The following PTPRD variants were observed in gnomAD, a reference collection of about 807,000 sequenced individuals.
PTPRD encodes protein tyrosine phosphatase receptor type D.
A neutral mutation model predicts 214.5 loss-of-function variants in PTPRD; 34 were observed. The observed-to-expected ratio is 0.16, with a 90% confidence interval of 0.12 to 0.21. The LOEUF is 0.21. Ranked by LOEUF, PTPRD falls within the 10% of genes least tolerant of loss-of-function variation. PTPRD has a pLI of 1.00. For missense variants in PTPRD, 2,545 were observed against 2,398.7 expected (o/e 1.06, Z -1.27); for synonymous variants, 1,128 against 845.7 (o/e 1.33, Z -5.79).
intron 14 of PTPRD, among the ~76,000 whole-genome samples, chr9:8,618,735 T>TG: frequency 6.6e-6 from 1 of 151,994 alleles, no homozygotes; most frequent in South Asian, 2.1e-4. Context: ...ATTGCTCTGT[T>TG]GCCCAGGCTA....
intron 9 of PTPRD, among the ~76,000 whole-genome samples, chr9:9,254,450 AAAG>A (rs1414286495): frequency 6.6e-6 from 1 of 152,112 alleles, no homozygotes; most frequent in Non-Finnish European, 1.5e-5. Flanking sequence ...TTAGCTACCT[AAAG>A]AAGAGGTATA....
intron 44 of PTPRD, among the ~76,000 whole-genome samples, chr9:8,328,606 TGATATC>T (rs1836446612): frequency 4.1e-5 from 2 of 49,078 alleles, no homozygotes; most frequent in South Asian, 1.0e-3. Flanking sequence ...GATAATATCC[TGATATC>T]CTGAAGAGTT....
intron 11 of PTPRD, among the ~76,000 whole-genome samples, chr9:8,790,690 G>C (rs1407738001): frequency 6.6e-6 from 1 of 151,780 alleles, no homozygotes; most frequent in Non-Finnish European, 1.5e-5. Flanking sequence ...ATTTTTTAGT[G>C]TGGATTGAGG....
chr9:9,999,986 C>G (rs1257639766), intron 4 of PTPRD, among the ~76,000 whole-genome samples: 3 of 152,058 alleles, frequency 2.0e-5, no homozygotes, highest in Admixed American at 2.0e-4. Flanking sequence ...GTAAGAGGGT[C>G]TGTGAAAGTC....
intron 10 of PTPRD, among the ~76,000 whole-genome samples, chr9:9,058,855 A>G (rs1370024454): frequency 6.6e-6 from 1 of 152,168 alleles, no homozygotes; most frequent in Non-Finnish European, 1.5e-5. Context: ...TTGGGAAAAT[A>G]AGGTAATGTA....
intron 10 of PTPRD, among the ~76,000 whole-genome samples, chr9:9,056,213 C>A (rs1046311953): frequency 6.6e-6 from 1 of 152,120 alleles, no homozygotes; most frequent in Admixed American, 6.6e-5. Flanking sequence ...GGAGAGCTAA[C>A]TTTACAAGGA....
chr9:10,017,847 C>G (rs2096754979), intron 4 of PTPRD, among the ~76,000 whole-genome samples: 1 of 151,758 alleles, frequency 6.6e-6, no homozygotes, highest in Non-Finnish European at 1.5e-5. Flanking sequence ...ATTGAATGCC[C>G]TCATGTAAAA....
chr9:8,836,047 G>A (rs139994306), intron 11 of PTPRD, among the ~76,000 whole-genome samples: 3 of 152,186 alleles, frequency 2.0e-5, no homozygotes, highest in Admixed American at 6.5e-5. Context: ...CATATATACC[G>A]GTTTAATTAA....
At chr9:10,375,740 T>C (rs183719409) in intron 2 of PTPRD, among the ~76,000 whole-genome samples, 9 of 152,146 alleles carry the variant, frequency 5.9e-5, no homozygotes, top group Admixed American at 1.3e-4. Context: ...TATGTGGTGA[T>C]AGAATATCTG....
chr9:9,334,596 T>C (rs931800390), intron 9 of PTPRD, among the ~76,000 whole-genome samples: 1 of 151,984 alleles, frequency 6.6e-6, no homozygotes, highest in Non-Finnish European at 1.5e-5. Context: ...TTTGGATATG[T>C]CTCCTTATCT....
chr9:10,152,802 G>T (rs554192741), intron 3 of PTPRD, among the ~76,000 whole-genome samples: 1 of 152,100 alleles, frequency 6.6e-6, no homozygotes, highest in Non-Finnish European at 1.5e-5. Context: ...TCCAGCCTGG[G>T]CAACAAGAGT....
At chr9:10,276,770 T>C (rs773918009) in intron 3 of PTPRD, among the ~76,000 whole-genome samples, 65 of 152,216 alleles carry the variant, frequency 4.3e-4, no homozygotes, top group Admixed American at 1.1e-3. Context: ...GAAAGTAAAG[T>C]ACTCTTATTG....
chr9:9,426,214 C>G (rs911988950), intron 8 of PTPRD, among the ~76,000 whole-genome samples: 14 of 152,312 alleles, frequency 9.2e-5, no homozygotes, highest in African/African-American at 2.9e-4. Context: ...CACCCTAATA[C>G]TGCACTTTTC....
intron 3 of PTPRD, among the ~76,000 whole-genome samples, chr9:10,186,688 A>C (rs1175948333): frequency 6.6e-6 from 1 of 152,164 alleles, no homozygotes; most frequent in Non-Finnish European, 1.5e-5. Context: ...AAAGTGTGAA[A>C]CATTAAGTAC....
chr9:9,815,217 A>G (rs562813911), intron 5 of PTPRD, among the ~76,000 whole-genome samples: 1 of 152,294 alleles, frequency 6.6e-6, no homozygotes, highest in African/African-American at 2.4e-5. Flanking sequence ...CATTGTCCAC[A>G]TATAAGGTCG....
At chr9:8,629,886 C>T (rs2096193454) in intron 14 of PTPRD, among the ~76,000 whole-genome samples, 1 of 151,694 alleles carries the variant, frequency 6.6e-6, no homozygotes. Context: ...TTGTGGTTAT[C>T]CCTCCTTATT....
intron 8 of PTPRD, among the ~76,000 whole-genome samples, chr9:9,450,932 A>G (rs1308284072): frequency 7.4e-6 from 1 of 134,248 alleles, no homozygotes; most frequent in African/African-American, 2.9e-5. Flanking sequence ...AGTACATCTA[A>G]GTAAATACAT....
rs139409075 is a variant in PTPRD, at chr9:9,989,858, T to C, written c.-472+43860A>G. ...GCCCAAAGTTGCTTGCCCCAGCTCC[T>C]GCACCTGCTCACCTGCATGCTCCCT... On this transcript the variant is annotated intron_variant, in intron 4 of 45. Transcript: ENST00000381196. 8.0e-3 allele frequency among the ~76,000 whole-genome samples: 1,213 copies of C among 152,302 alleles called. 8 individuals carry two copies. Among genetic ancestry groups the C allele is most frequent in the African/African-American group, 0.027 (1,122 of 41,574 alleles).
intron 9 of PTPRD, among the ~76,000 whole-genome samples, chr9:9,357,625 G>A (rs1384621715): frequency 1.3e-5 from 2 of 150,956 alleles, no homozygotes; most frequent in Non-Finnish European, 3.0e-5. Flanking sequence ...AGGGAAAGAA[G>A]CAAAGTGATT....
Sources: allele counts gnomAD v4.1 joint callset (sites outside exome capture counted in the v4.1 genomes callset), GRCh38; gene constraint gnomAD v4.1.1; transcripts MANE v1.5; gene names NCBI Gene and HGNC (gene_info 2026-07-23, HGNC 2026-07-21).